ABTB2: variants seen among roughly 807,000 people sequenced by gnomAD.
ABTB2 encodes the protein ankyrin repeat and BTB/POZ domain-containing protein 2.
Under a neutral mutation model 104.1 loss-of-function variants are expected in ABTB2, and 56 were observed. The ratio of observed to expected loss-of-function variants is 0.54; its 90% CI spans 0.43 to 0.67. The LOEUF is 0.67. Among genes scored for constraint, ABTB2 ranks in the 30% least tolerant of loss-of-function variants. ABTB2 has a pLI of 0.00. For synonymous variants in ABTB2, 606 were observed against 608.2 expected, an observed-to-expected ratio of 1.00 and a Z score of 0.05; for missense variants, 1,279 against 1,407.7, an observed-to-expected ratio of 0.91 and a Z score of 1.46.
At chr11:34,248,088 A>ATTTTTTTTTTTTTTTTTTTT (rs377220875) in intron 1 of ABTB2, among the ~76,000 whole-genome samples, 1,155 of 78,248 alleles carry the variant, frequency 0.015, 32 homozygotes, top group South Asian at 0.02. Context: ...CTTATCTATA[A>ATTTTTTTTTTTTTTTTTTTT]TTTTTCTTAA....
At chr11:34,186,085 G>A (rs913878340) in intron 3 of ABTB2, among the ~76,000 whole-genome samples, 13 of 152,378 alleles carry the variant, frequency 8.5e-5, no homozygotes, top group Admixed American at 4.6e-4. Flanking sequence ...GATGGAGAAA[G>A]GTTTGCCTTG....
intron 7 of ABTB2, 53 bp from the exon 8 acceptor site, chr11:34,165,409 G>T: frequency 6.7e-7 from 1 of 1,499,288 alleles, no homozygotes; most frequent in Non-Finnish European, 9.1e-7. Flanking sequence ...GGGAGCACCT[G>T]GGAAGGGCCA....
intron 1 of ABTB2, among the ~76,000 whole-genome samples, chr11:34,235,033 T>G: frequency 6.6e-6 from 1 of 152,102 alleles, no homozygotes; most frequent in East Asian, 1.9e-4. Flanking sequence ...AATTTTTTTT[T>G]TGTATTTTTA....
intron 1 of ABTB2, among the ~76,000 whole-genome samples, chr11:34,285,502 A>G (rs1854494836): frequency 6.6e-6 from 1 of 152,176 alleles, no homozygotes; most frequent in African/African-American, 2.4e-5. Context: ...AGAAATGGAC[A>G]GTAATAACAA....
At chr11:34,281,033 T>A (rs769425614) in intron 1 of ABTB2, among the ~76,000 whole-genome samples, 1 of 152,180 alleles carries the variant, frequency 6.6e-6, no homozygotes, top group Non-Finnish European at 1.5e-5. Flanking sequence ...GTGGTCATAG[T>A]TGCCTTAAAT....
At chr11:34,325,436 T>G (rs951492450) in intron 1 of ABTB2, among the ~76,000 whole-genome samples, 1 of 152,212 alleles carries the variant, frequency 6.6e-6, no homozygotes, top group Non-Finnish European at 1.5e-5. Flanking sequence ...TTAGGCAAGT[T>G]AAGCTCTCCG....
At chr11:34,263,404 A>G (rs1462331219) in intron 1 of ABTB2, among the ~76,000 whole-genome samples, 1 of 152,100 alleles carries the variant, frequency 6.6e-6, no homozygotes, top group East Asian at 1.9e-4. Flanking sequence ...TGGAGAGAGG[A>G]GGTGTGGTTT....
chr11:34,258,581 G>C (rs2133073215), intron 1 of ABTB2, among the ~76,000 whole-genome samples: 1 of 150,364 alleles, frequency 6.7e-6, no homozygotes, highest in Non-Finnish European at 1.5e-5. Context: ...ACTGTGCCTA[G>C]TGAGCACTAC....
intron 3 of ABTB2, among the ~76,000 whole-genome samples, chr11:34,186,694 C>G (rs1392111575): frequency 6.6e-6 from 1 of 152,172 alleles, no homozygotes; most frequent in Non-Finnish European, 1.5e-5. Context: ...TGTCAGAGGC[C>G]GGGCCAGGAT....
intron 1 of ABTB2, among the ~76,000 whole-genome samples, chr11:34,278,556 G>A (rs1854412421): frequency 6.6e-6 from 1 of 152,146 alleles, no homozygotes; most frequent in Admixed American, 6.5e-5. Flanking sequence ...ATCCCTGATA[G>A]AGAAACTAAG....
At chr11:34,349,912 G>A (rs1325586266) in intron 1 of ABTB2, among the ~76,000 whole-genome samples, 3 of 152,208 alleles carry the variant, frequency 2.0e-5, no homozygotes, top group Non-Finnish European at 4.4e-5. Context: ...CCCAAGTGAA[G>A]TTATGAGGAA....
intron 1 of ABTB2, among the ~76,000 whole-genome samples, chr11:34,221,042 T>A (rs1485858927): frequency 6.6e-6 from 1 of 152,010 alleles, no homozygotes; most frequent in Non-Finnish European, 1.5e-5. Context: ...CGATCTTGGC[T>A]CACTGCAACC....
At chr11:34,295,345 G>C (rs1299314032) in intron 1 of ABTB2, among the ~76,000 whole-genome samples, 1 of 152,186 alleles carries the variant, frequency 6.6e-6, no homozygotes, top group Non-Finnish European at 1.5e-5. Context: ...GGCAGGAGGA[G>C]GAACGAGTCC....
chr11:34,152,619 G>A (rs774174580), intron 16 of ABTB2, 35 bp from the exon 17 acceptor site: 17 of 1,577,684 alleles, frequency 1.1e-5, no homozygotes, highest in East Asian at 2.2e-5. Context: ...GAAGCCCATC[G>A]CCTTAGTACA....
chr11:34,335,347 A>G (rs771461498), intron 1 of ABTB2: 29 of 929,454 alleles, frequency 3.1e-5, no homozygotes, highest in Non-Finnish European at 4.1e-5. Flanking sequence ...TCAGCCCAAT[A>G]TCCCTCAGCA....
At chr11:34,167,456 C>T (rs1253088266) in intron 6 of ABTB2, 96 bp from the exon 7 acceptor site, 7 of 976,194 alleles carry the variant, frequency 7.2e-6, no homozygotes, top group South Asian at 1.4e-5. Flanking sequence ...GTGCTTTCTA[C>T]ATTCGATTGA....
chr11:34,297,775 A>AT (rs199978088), intron 1 of ABTB2, among the ~76,000 whole-genome samples: 3,799 of 79,224 alleles, frequency 0.048, 218 homozygotes, highest in Admixed American at 0.056. Context: ...TCAAAAAAAA[A>AT]AAAAAAAAAT....
At chr11:34,318,156 A>G (rs1254087558) in intron 1 of ABTB2, among the ~76,000 whole-genome samples, 2 of 152,088 alleles carry the variant, frequency 1.3e-5, no homozygotes, top group Non-Finnish European at 2.9e-5. Flanking sequence ...TTTAGTAGAG[A>G]CAAGCTTTCG....
At chr11:34,174,869 C>G (rs1590207560) in intron 3 of ABTB2, among the ~76,000 whole-genome samples, 1 of 152,270 alleles carries the variant, frequency 6.6e-6, no homozygotes, top group African/African-American at 2.4e-5. Context: ...GTCAGCCTCC[C>G]GGCTCCTGCC....
Sources: gnomAD v4.1 joint callset for allele counts (sites outside exome capture counted in the v4.1 genomes callset) on GRCh38, gnomAD v4.1.1 for gene constraint, MANE v1.5 for transcripts, NCBI Gene and HGNC (gene_info 2026-07-23, HGNC 2026-07-21) for gene names.